The following PLAG1 variants were observed in gnomAD, a reference collection of about 807,000 sequenced individuals.
PLAG1 encodes zinc finger protein PLAG1.
In PLAG1, 7 loss-of-function variants were observed where a neutral mutation model predicts 35.5. The ratio of observed to expected loss-of-function variants is 0.20; its 90% CI spans 0.11 to 0.37. PLAG1 has a LOEUF of 0.37. PLAG1 is among the 10% of genes least tolerant of loss of function. The pLI is 1.00. For missense variants in PLAG1, 454 were observed against 602.8 expected (o/e 0.75, Z 2.58); for synonymous variants, 229 against 225.4 (o/e 1.02, Z -0.14).
Position 56,162,688 on chromosome 8 carries a change from T to A in PLAG1, c.*3555A>T, listed in dbSNP as rs1811239354. 9.5e-6 allele frequency: 2 copies of A among 211,256 alleles called. No homozygotes were observed. The highest frequency in any genetic ancestry group is 4.5e-5 in the African/African-American group (2 of 44,152). The allele number at this position is 211,256 out of a possible 1,614,324, so 13.1% of individuals were successfully genotyped here. ...TTTAAAAAAATATTGGCCTATAATA[T>A]GTGTATTGCTCACTAGATGAACGAT... is the stretch of plus-strand genomic sequence containing the variant. On this transcript the variant is annotated 3_prime_UTR_variant, in exon 5 of 5. Coordinates refer to ENST00000316981, the MANE Select transcript of PLAG1 (RefSeq NM_002655.3).
chr8:56,207,065 CT>C (rs912913757), intron 1 of PLAG1, among the ~76,000 whole-genome samples: 2 of 151,774 alleles, frequency 1.3e-5, no homozygotes, highest in African/African-American at 2.4e-5. Context: ...TTCAGTAAAA[CT>C]TTTTTTTCCT....
chr8:56,172,657 G>A (rs1450018234), intron 2 of PLAG1, among the ~76,000 whole-genome samples: 2 of 152,130 alleles, frequency 1.3e-5, no homozygotes, highest in Admixed American at 6.5e-5. Flanking sequence ...AAGGTGAGAG[G>A]CCCACAGAAG....
At chr8:56,208,891 A>G (rs1036487851) in intron 1 of PLAG1, among the ~76,000 whole-genome samples, 1 of 152,232 alleles carries the variant, frequency 6.6e-6, no homozygotes, top group East Asian at 1.9e-4. Flanking sequence ...GATTTTAAAA[A>G]TCTTTTCATT....
intron 1 of PLAG1, among the ~76,000 whole-genome samples, chr8:56,187,386 G>A (rs1346594225): frequency 6.6e-6 from 1 of 152,220 alleles, no homozygotes; most frequent in Non-Finnish European, 1.5e-5. Context: ...AATAGCAGCA[G>A]AGAGACAAAG....
chr8:56,193,161 T>C (rs1812237593), intron 1 of PLAG1, among the ~76,000 whole-genome samples: 1 of 152,190 alleles, frequency 6.6e-6, no homozygotes, highest in South Asian at 2.1e-4. Context: ...GTCTGTACTT[T>C]TTGGAAACAC....
intron 2 of PLAG1, among the ~76,000 whole-genome samples, chr8:56,174,621 G>A (rs1811634682): frequency 2.0e-5 from 3 of 152,124 alleles, no homozygotes; most frequent in Admixed American, 2.0e-4. Flanking sequence ...AATTAAAACA[G>A]GGCCAAGTGC....
In PLAG1 at chr8:56,211,187, A is replaced by G. The variant is rs1212616568; in HGVS notation, c.-388T>C. 1 of 152,644 alleles carries G rather than the reference A, an allele frequency of 6.6e-6. No homozygotes were observed. The highest frequency in any genetic ancestry group is 2.4e-5 in the African/African-American group (1 of 41,022). 9.5% of individuals were successfully genotyped at this position (152,644 alleles called of 1,614,324 possible). On this transcript the variant is annotated 5_prime_UTR_variant, in exon 1 of 5. Transcript: ENST00000316981. Reference sequence around the variant, plus strand: ...CTACACCGCCCGCGGAATTTCTAATAATTTTTTTCTCATATTTCGGGCTGG... The same window carrying G: ...CTACACCGCCCGCGGAATTTCTAATGATTTTTTTCTCATATTTCGGGCTGG...
At chr8:56,203,740 T>C (rs984400859) in intron 1 of PLAG1, among the ~76,000 whole-genome samples, 6 of 152,042 alleles carry the variant, frequency 3.9e-5, no homozygotes, top group Non-Finnish European at 8.8e-5. Flanking sequence ...ACCTATTTTA[T>C]TATACATCTA....
intron 1 of PLAG1, among the ~76,000 whole-genome samples, chr8:56,205,365 C>T (rs1295811400): frequency 6.6e-6 from 1 of 151,584 alleles, no homozygotes; most frequent in Non-Finnish European, 1.5e-5. Flanking sequence ...TCTGAATAAC[C>T]ATTACAAATT....
rs548873472 is a variant in PLAG1 at position 56,186,381 on chromosome 8, A to AT, written c.-321-6869dup. Among the ~76,000 whole-genome samples the AT allele has an allele frequency of 1.5e-3, 229 of 151,542 alleles. 1 individual carries two copies. The highest frequency in any genetic ancestry group is 4.5e-3 in the African/African-American group (185 of 41,290). On this transcript the variant is annotated intron_variant, in intron 1 of 4. Coordinates refer to ENST00000316981, the MANE Select transcript of PLAG1 (RefSeq NM_002655.3). ...ATTTTATTCATTTTTATTTATTTTT[A>AT]TTTTTTTTGAGATGGGATCTCACTC...
At chr8:56,196,856 G>A (rs1266382667) in intron 1 of PLAG1, among the ~76,000 whole-genome samples, 1 of 151,898 alleles carries the variant, frequency 6.6e-6, no homozygotes, top group Non-Finnish European at 1.5e-5. Context: ...GCGTGGGGGT[G>A]TGCATGTGTG....
At chr8:56,207,234 G>T (rs1047028798) in intron 1 of PLAG1, among the ~76,000 whole-genome samples, 1 of 151,920 alleles carries the variant, frequency 6.6e-6, no homozygotes, top group African/African-American at 2.4e-5. Context: ...GATAGCTATA[G>T]ATATATGTTT....
At chr8:56,170,656 TG>T (rs1811499310) in intron 3 of PLAG1, among the ~76,000 whole-genome samples, 1 of 152,228 alleles carries the variant, frequency 6.6e-6, no homozygotes, top group Non-Finnish European at 1.5e-5. Context: ...TTTGCCATTG[TG>T]TTATAAAATC....
At chr8:56,173,839 G>C (rs966273382) in intron 2 of PLAG1, among the ~76,000 whole-genome samples, 1 of 152,090 alleles carries the variant, frequency 6.6e-6, no homozygotes, top group African/African-American at 2.4e-5. Context: ...CACACACCCA[G>C]ATTTATCTTC....
intron 2 of PLAG1, among the ~76,000 whole-genome samples, chr8:56,177,821 A>G (rs1049946346): frequency 6.6e-6 from 1 of 152,150 alleles, no homozygotes; most frequent in Non-Finnish European, 1.5e-5. Context: ...AGAGAAATAC[A>G]TGGTTAGTTT....
rs966641258 is a variant in PLAG1 at position 56,167,643 on chromosome 8, G to A, written c.243-140C>T. 1.6e-6 allele frequency: 1 copy of A among 635,784 alleles called. No individual in the cohort carries two copies. The highest frequency in any genetic ancestry group is 2.7e-6 in the Non-Finnish European group (1 of 372,200). 39.4% of individuals were successfully genotyped at this position (635,784 alleles called of 1,614,324 possible). ...CTGTTTAACTTAATATATACCACGA[G>A]GATAGTTAATATACCTAATTACTGC... On this transcript the variant is annotated intron_variant, in intron 4 of 4. Transcript: ENST00000316981. This position sits in a 1 kb window ranked among gnomAD's most constrained non-coding sequence, Gnocchi z 5.9.
intron 1 of PLAG1, among the ~76,000 whole-genome samples, chr8:56,182,948 T>C (rs1333596392): frequency 6.6e-6 from 1 of 152,182 alleles, no homozygotes; most frequent in African/African-American, 2.4e-5. Flanking sequence ...GCTAAGTTTT[T>C]TGGTAGCAAA....
At chr8:56,193,868 G>A (rs772472367) in intron 1 of PLAG1, among the ~76,000 whole-genome samples, 2 of 151,794 alleles carry the variant, frequency 1.3e-5, no homozygotes, top group African/African-American at 2.4e-5. Context: ...ACAGGCACCT[G>A]CTACCACACC....
intron 1 of PLAG1, among the ~76,000 whole-genome samples, chr8:56,186,286 A>G (rs1219290394): frequency 6.6e-6 from 1 of 152,172 alleles, no homozygotes; most frequent in East Asian, 1.9e-4. Flanking sequence ...AAAGCAACCA[A>G]TCTTTGTGTG....
Sources: allele counts gnomAD v4.1 joint callset (sites outside exome capture counted in the v4.1 genomes callset), GRCh38; gene constraint gnomAD v4.1.1; non-coding constraint Gnocchi (gnomAD v3.1); transcripts MANE v1.5; gene names NCBI Gene and HGNC (gene_info 2026-07-23, HGNC 2026-07-21).